GLT1D1: variants seen among roughly 807,000 people sequenced by gnomAD.
GLT1D1 encodes glycosyltransferase 1 domain containing 1.
In GLT1D1, 21 loss-of-function variants were observed where a neutral mutation model predicts 28.7. The observed-to-expected ratio is 0.73, with a 90% CI of 0.52 to 1.05. GLT1D1 has a LOEUF of 1.05. GLT1D1 is among the 50% of genes least tolerant of loss of function. GLT1D1 has a pLI of 0.00. For synonymous variants in GLT1D1, 147 were observed against 124.8 expected, an observed-to-expected ratio of 1.18 and a Z score of -1.19; for missense variants, 343 against 330.6, an observed-to-expected ratio of 1.04 and a Z score of -0.29.
chr12:128,975,414 T>G (rs516034), intron 7 of GLT1D1, among the ~76,000 whole-genome samples: 1 of 151,902 alleles, frequency 6.6e-6, no homozygotes, highest in Non-Finnish European at 1.5e-5. Context: ...CTTGCTCAGT[T>G]TCCATCTGCA....
chr12:128,855,376 A>T (rs1176383982), intron 1 of GLT1D1, among the ~76,000 whole-genome samples: 2 of 151,968 alleles, frequency 1.3e-5, no homozygotes, highest in African/African-American at 4.8e-5. Context: ...AGCATGGGCA[A>T]CATGGTGAAA....
intron 4 of GLT1D1, among the ~76,000 whole-genome samples, chr12:128,900,403 G>A (rs1484148527): frequency 6.6e-6 from 1 of 152,140 alleles, no homozygotes; most frequent in Non-Finnish European, 1.5e-5. Context: ...TGCTGCACTG[G>A]GACAAGGGCA....
At chr12:128,945,305 T>C in intron 4 of GLT1D1, 21 bp from the exon 9 acceptor site, 1 of 1,613,760 alleles carries the variant, frequency 6.2e-7, no homozygotes, top group Admixed American at 1.7e-5. Context: ...ACCGCTGACA[T>C]TTATCTTTGT....
At chr12:128,924,082 T>C (rs931913171) in intron 4 of GLT1D1, among the ~76,000 whole-genome samples, 1 of 152,124 alleles carries the variant, frequency 6.6e-6, no homozygotes, top group Non-Finnish European at 1.5e-5. Flanking sequence ...GGGTCCTGCA[T>C]GAGCTCATAA....
intron 4 of GLT1D1, chr12:128,912,428 A>G (rs1260169105): frequency 1.3e-6 from 2 of 1,525,950 alleles, no homozygotes; most frequent in Non-Finnish European, 1.8e-6. Context: ...CAAAAGCCGC[A>G]TGCTAAGGGT....
chr12:128,861,847 G>A (rs753254252), intron 1 of GLT1D1, among the ~76,000 whole-genome samples: 9 of 152,070 alleles, frequency 5.9e-5, no homozygotes, highest in Non-Finnish European at 1.3e-4. Flanking sequence ...AATTCTCTGT[G>A]TCAAGCATTT....
chr12:128,956,502 C>A (rs760007265), intron 6 of GLT1D1, among the ~76,000 whole-genome samples: 1 of 152,046 alleles, frequency 6.6e-6, no homozygotes, highest in African/African-American at 2.4e-5. Flanking sequence ...AGTCAGAGAC[C>A]ATCTGTATCC....
chr12:128,891,983 C>T (rs942085921), intron 3 of GLT1D1, among the ~76,000 whole-genome samples: 1 of 152,052 alleles, frequency 6.6e-6, no homozygotes, highest in Non-Finnish European at 1.5e-5. Flanking sequence ...GTAGGAGGTA[C>T]ACTGGTTCGG....
At chr12:128,877,739 A>G (rs1956904857) in intron 2 of GLT1D1, among the ~76,000 whole-genome samples, 1 of 152,246 alleles carries the variant, frequency 6.6e-6, no homozygotes, top group African/African-American at 2.4e-5. Context: ...TTATTACATA[A>G]CAAATTACCC....
Position 128,876,001 on chromosome 12 carries a change from G to T in GLT1D1, c.156G>T (p.Leu52Phe), listed in dbSNP as rs1213972166. ...GATCTGAGATTGCAAACCTCATCTT[G>T]GCTGAGAACTGCGAGGCTGCCCTGG... is the stretch of plus-strand genomic sequence containing the variant. The change falls in exon 2 of 8, where the codon TTG becomes TTT. Residue 52 changes from leucine (L) to phenylalanine (F), a missense_variant. Coordinates refer to ENST00000281703, the MANE Select transcript of GLT1D1 (RefSeq NM_144669.3). The T allele has an allele frequency of 6.2e-7, 1 of 1,613,934 alleles. No homozygotes were observed. The highest frequency in any genetic ancestry group is 8.5e-7 in the Non-Finnish European group (1 of 1,179,890).
At chr12:128,952,773 C>T (rs1156946085) in intron 6 of GLT1D1, among the ~76,000 whole-genome samples, 28 of 58,934 alleles carry the variant, frequency 4.8e-4, no homozygotes, top group East Asian at 1.4e-3. Context: ...CCGTGACTGG[C>T]TTTTTTTTTT....
chr12:128,975,158 A>G (rs1039677739), intron 7 of GLT1D1, among the ~76,000 whole-genome samples: 1 of 152,132 alleles, frequency 6.6e-6, no homozygotes, highest in Non-Finnish European at 1.5e-5. Flanking sequence ...GTCCCGGCAA[A>G]GGGTCTGAGC....
intron 4 of GLT1D1, among the ~76,000 whole-genome samples, chr12:128,903,936 G>A (rs1370197231): frequency 1.3e-5 from 2 of 151,648 alleles, no homozygotes; most frequent in Non-Finnish European, 2.9e-5. Context: ...TCACCATGTT[G>A]GCCAGGCTGG....
At chr12:128,904,290 TA>T (rs903739532) in intron 4 of GLT1D1, among the ~76,000 whole-genome samples, 1 of 151,852 alleles carries the variant, frequency 6.6e-6, no homozygotes, top group African/African-American at 2.4e-5. Flanking sequence ...AGACTTTTTT[TA>T]AAAAACATAA....
At chr12:128,899,878 G>A (rs1365103166) in intron 4 of GLT1D1, among the ~76,000 whole-genome samples, 2 of 152,072 alleles carry the variant, frequency 1.3e-5, no homozygotes, top group Admixed American at 1.3e-4. Context: ...TTCTCAGATC[G>A]GGTGATTTAT....
intron 7 of GLT1D1, among the ~76,000 whole-genome samples, chr12:128,967,088 T>C (rs1029067664): frequency 6.6e-6 from 1 of 152,236 alleles, no homozygotes; most frequent in Non-Finnish European, 1.5e-5. Context: ...GGTCAGACTT[T>C]TAAAGTGTAG....
chr12:128,876,911 A>T (rs1032003853), intron 2 of GLT1D1, among the ~76,000 whole-genome samples: 3 of 152,212 alleles, frequency 2.0e-5, no homozygotes, highest in African/African-American at 7.2e-5. Flanking sequence ...TCTCTCCCTG[A>T]CACAAAGCTA....
At chr12:128,860,865 A>G (rs1485677483) in intron 1 of GLT1D1, among the ~76,000 whole-genome samples, 1 of 152,190 alleles carries the variant, frequency 6.6e-6, no homozygotes, top group Non-Finnish European at 1.5e-5. Context: ...ATTTGCCAGG[A>G]GAGCCAGGCC....
chr12:128,881,090 G>A (rs1486329204), intron 2 of GLT1D1, among the ~76,000 whole-genome samples: 3 of 151,646 alleles, frequency 2.0e-5, no homozygotes, highest in Non-Finnish European at 4.4e-5. Context: ...CGGGCGTGTT[G>A]GCGGGCGCCT....
Sources: gnomAD v4.1 joint callset for allele counts (sites outside exome capture counted in the v4.1 genomes callset) on GRCh38, gnomAD v4.1.1 for gene constraint, MANE v1.5 for transcripts, NCBI Gene and HGNC (gene_info 2026-07-23, HGNC 2026-07-21) for gene names.